The following PTPRM variants were observed in gnomAD, a reference collection of about 807,000 sequenced individuals.
PTPRM encodes protein tyrosine phosphatase receptor type M, also known as receptor-type tyrosine-protein phosphatase mu.
A neutral mutation model predicts 186.7 loss-of-function variants in PTPRM; 47 were observed. That is an observed-to-expected ratio of 0.25 (90% CI 0.20 to 0.32). PTPRM has a LOEUF of 0.32. PTPRM is among the 10% of genes least tolerant of loss of function. The pLI, the probability that PTPRM is intolerant of heterozygous loss-of-function variation, is 1.00. For synonymous variants in PTPRM, 668 were observed against 674.9 expected, an observed-to-expected ratio of 0.99 and a Z score of 0.16; for missense variants, 1,494 against 1,865.0, an observed-to-expected ratio of 0.80 and a Z score of 3.66.
intron 17 of PTPRM, among the ~76,000 whole-genome samples, chr18:8,251,336 A>G (rs1425195517): frequency 1.3e-5 from 2 of 152,318 alleles, no homozygotes; most frequent in East Asian, 3.9e-4. Flanking sequence ...CAGAGGGGAA[A>G]CTAATTAATG....
intron 13 of PTPRM, among the ~76,000 whole-genome samples, chr18:8,117,181 G>C (rs995813229): frequency 3.3e-5 from 5 of 152,104 alleles, no homozygotes; most frequent in Non-Finnish European, 7.4e-5. Flanking sequence ...ATTCCATCTT[G>C]ACTACATAGT....
chr18:7,837,172 TC>T (rs923504421), intron 2 of PTPRM, among the ~76,000 whole-genome samples: 17 of 152,182 alleles, frequency 1.1e-4, no homozygotes, highest in African/African-American at 4.1e-4. Flanking sequence ...ATTTTCTAGT[TC>T]CTATAGGTGT....
rs1263638744 is a variant in PTPRM at position 7,568,598 on chromosome 18, A to G, written c.73+707A>G. ...GCGCCCCGCTGGGCTCCCCCTCCCC[A>G]CCCTCGTCCCCCTAGCGGAGCGCCG... On this transcript the variant is annotated intron_variant, in intron 1 of 32. Coordinates refer to ENST00000580170, the MANE Select transcript of PTPRM (RefSeq NM_001105244.2). This position sits in a 1 kb window ranked among gnomAD's most constrained non-coding sequence, Gnocchi z 5.1. Among the ~76,000 whole-genome samples, 1 of 151,900 alleles carries G rather than the reference A, an allele frequency of 6.6e-6. No homozygotes were observed. Among genetic ancestry groups the G allele is most frequent in the East Asian group, 1.9e-4 (1 of 5,132 alleles).
rs186709557 is a variant in PTPRM at position 8,002,221 on chromosome 18, G to A, written c.1132+46807G>A. Among the ~76,000 whole-genome samples, 47 of 152,266 alleles carry A rather than the reference G, an allele frequency of 3.1e-4. 1 individual carries two copies. The highest frequency in any genetic ancestry group is 2.6e-3 in the Admixed American group (40 of 15,294). On this transcript the variant is annotated intron_variant, in intron 7 of 32. Coordinates refer to ENST00000580170, the MANE Select transcript of PTPRM (RefSeq NM_001105244.2). ...TGCTGAATAGATGCATATATGCATA[G>A]TTTCTCCATTTTGTTATTTCACTTC...
rs186915510 is a variant in PTPRM, at chr18:8,303,376, G to T, written c.2842+6921G>T. On this transcript the variant is annotated intron_variant, in intron 20 of 32. Transcript: ENST00000580170. ...GACCTACCCCAGATTCTTCTAGCCA[G>T]TGAGCCAATCTTGGTTGCTCACATT... is the stretch of plus-strand genomic sequence containing the variant. Among the ~76,000 whole-genome samples the T allele has an allele frequency of 3.3e-5, 5 of 152,276 alleles. No homozygotes were observed. In the East Asian group the frequency reaches 9.7e-4, roughly 29 times the overall value.
At chr18:7,966,608 G>T (rs534097652) in intron 7 of PTPRM, among the ~76,000 whole-genome samples, 2 of 147,632 alleles carry the variant, frequency 1.4e-5, no homozygotes, top group Admixed American at 6.8e-5. Flanking sequence ...CGCACCGTGC[G>T]CGAGCCGAAG....
chr18:8,236,265 C>T (rs2094344829), intron 14 of PTPRM, among the ~76,000 whole-genome samples: 1 of 152,180 alleles, frequency 6.6e-6, no homozygotes, highest in African/African-American at 2.4e-5. Context: ...TAGGTGCATA[C>T]ACGTTAAAAA....
chr18:7,991,460 C>T (rs1169779790), intron 7 of PTPRM, among the ~76,000 whole-genome samples: 2 of 152,030 alleles, frequency 1.3e-5, no homozygotes, highest in Admixed American at 6.6e-5. Flanking sequence ...AGAACAGAGG[C>T]AAATCTAAGG....
chr18:7,639,205 C>T (rs1451159081), intron 1 of PTPRM, among the ~76,000 whole-genome samples: 1 of 151,470 alleles, frequency 6.6e-6, no homozygotes, highest in Non-Finnish European at 1.5e-5. Context: ...CTCCCGAGTA[C>T]CTGGGGCTAC....
chr18:8,029,695 T>G (rs1245932038), intron 7 of PTPRM, among the ~76,000 whole-genome samples: 2 of 152,190 alleles, frequency 1.3e-5, no homozygotes, highest in African/African-American at 4.8e-5. Context: ...CCCACCAATG[T>G]GAGCTCCTCG....
Position 7,904,823 on chromosome 18 carries a change from A to T in PTPRM, c.469-1682A>T, listed in dbSNP as rs555319687. On this transcript the variant is annotated intron_variant, in intron 3 of 32. Transcript: ENST00000580170. ...TTGTATTTTAAGACTTACCATCATG[A>T]GTCATGGTTCCCCGGTGAGATAGTT... is the stretch of plus-strand genomic sequence containing the variant. Among the ~76,000 whole-genome samples, 313 of 152,286 alleles carry T rather than the reference A, an allele frequency of 2.1e-3. 1 individual carries two copies. Among genetic ancestry groups the T allele is most frequent in the African/African-American group, 7.4e-3 (306 of 41,554 alleles).
At chr18:7,881,968 T>C (rs1198023578) in intron 2 of PTPRM, among the ~76,000 whole-genome samples, 2 of 152,216 alleles carry the variant, frequency 1.3e-5, no homozygotes, top group Non-Finnish European at 2.9e-5. Flanking sequence ...TTTTTCTTTT[T>C]TTCATTCTTT....
chr18:7,947,894 G>A (rs1203226628), intron 5 of PTPRM, among the ~76,000 whole-genome samples: 1 of 151,984 alleles, frequency 6.6e-6, no homozygotes, highest in Non-Finnish European at 1.5e-5. Flanking sequence ...ACAACTGCAG[G>A]CCCATAAGCC....
chr18:8,379,455 C>G (rs1346318380), intron 28 of PTPRM, 115 bp downstream of exon 28: 12 of 1,104,028 alleles, frequency 1.1e-5, no homozygotes, highest in Non-Finnish European at 1.3e-5. Flanking sequence ...AAGACACAAA[C>G]TTTTTTTTCC....
intron 1 of PTPRM, among the ~76,000 whole-genome samples, chr18:7,669,520 G>T (rs997059574): frequency 1.3e-5 from 2 of 152,140 alleles, no homozygotes; most frequent in African/African-American, 4.8e-5. Context: ...GGGAGATTGG[G>T]GTCACGGTTT....
intron 24 of PTPRM, among the ~76,000 whole-genome samples, chr18:8,375,217 G>A (rs540828975): frequency 6.6e-6 from 1 of 152,272 alleles, no homozygotes; most frequent in African/African-American, 2.4e-5. Context: ...CAGTTGAGTG[G>A]CAGGCAGCTC....
At position 8,018,040 on chromosome 18, in the gene PTPRM, A is replaced by G. The variant is rs140929268; in HGVS notation, c.1133-51646A>G. On this transcript the variant is annotated intron_variant, in intron 7 of 32. Coordinates refer to ENST00000580170, the MANE Select transcript of PTPRM (RefSeq NM_001105244.2). Reference sequence around the variant, plus strand: ...AGAGAATGGGCCAATGCTGAAGCCCATGTCAGCTAAGGCTGAGGTGAGGAA... The same window carrying G: ...AGAGAATGGGCCAATGCTGAAGCCCGTGTCAGCTAAGGCTGAGGTGAGGAA... The G allele has an allele frequency of 8.2e-3, 1,253 of 152,368 alleles. 7 individuals are homozygous for G. The highest frequency in any genetic ancestry group is 0.034 in the South Asian group (162 of 4,824). The allele number at this position is 152,368 out of a possible 1,614,324, so 9.4% of individuals were successfully genotyped here.
At chr18:8,295,872 C>G (rs2095091714) in intron 19 of PTPRM, among the ~76,000 whole-genome samples, 1 of 152,122 alleles carries the variant, frequency 6.6e-6, no homozygotes, top group Non-Finnish European at 1.5e-5. Flanking sequence ...AAAACTTTGG[C>G]AGAGTTTATT....
chr18:8,121,571 C>T (rs1024196502), intron 13 of PTPRM, among the ~76,000 whole-genome samples: 7 of 152,154 alleles, frequency 4.6e-5, no homozygotes, highest in African/African-American at 1.7e-4. Context: ...CACATGTTAA[C>T]CATGATAACT....
Sources: gnomAD v4.1 joint callset for allele counts (sites outside exome capture counted in the v4.1 genomes callset) on GRCh38, gnomAD v4.1.1 for gene constraint, Gnocchi (gnomAD v3.1) non-coding constraint, MANE v1.5 for transcripts, NCBI Gene and HGNC (gene_info 2026-07-23, HGNC 2026-07-21) for gene names.